MEAK7: variants seen among roughly 807,000 people sequenced by gnomAD.
MEAK7 encodes the protein MTOR associated protein MEAK7.
In MEAK7, 68 loss-of-function variants were observed where a neutral mutation model predicts 40.5. That is an observed-to-expected ratio of 1.68 (90% CI 1.38 to 2.06). MEAK7 has a LOEUF of 2.06. MEAK7 is among the 30% of genes most tolerant of loss of function. The pLI, the probability that MEAK7 is intolerant of heterozygous loss-of-function variation, is 0.00. For missense variants in MEAK7, 918 were observed against 580.5 expected (o/e 1.58, Z -5.98); for synonymous variants, 338 against 231.9 (o/e 1.46, Z -4.16).
In MEAK7 at chr16:84,486,723, C is replaced by T. The variant is rs776585665; in HGVS notation, c.866G>A (p.Arg289Gln). The change falls in exon 5 of 8, where the codon CGG becomes CAG. Residue 289 changes from arginine (R) to glutamine (Q), a missense_variant. Arg to Gln is a conservative substitution (Grantham distance 43). Coordinates refer to ENST00000343629, the MANE Select transcript of MEAK7 (RefSeq NM_020947.4). ...FSQLCGHITH[R>Q]GPCVAVLEDH... Reference sequence around the variant, plus strand: ...CTCGAGGACAGCCACACAGGGTCCCCGGTGAGTGATGTGGCCACAGAGCTG... The same window carrying T: ...CTCGAGGACAGCCACACAGGGTCCCTGGTGAGTGATGTGGCCACAGAGCTG... 5.6e-6 allele frequency: 9 copies of T among 1,613,980 alleles called. No homozygotes were observed. The highest frequency in any genetic ancestry group is 1.1e-5 in the South Asian group (1 of 91,076).
chr16:84,495,177 G>A (rs540304961), intron 3 of MEAK7, among the ~76,000 whole-genome samples: 5 of 152,140 alleles, frequency 3.3e-5, no homozygotes, highest in South Asian at 2.1e-4. Flanking sequence ...GCTGAGGCAG[G>A]AGAACCACTT....
chr16:84,504,609 G>T lies in MEAK7; in HGVS notation c.-34C>A, dbSNP rs995205921. ...TCAGCCCAGGTACCTACCCTGCCGG[G>T]CTTCCTGGTGCTGTCCGGTCCGGTC... is the stretch of plus-strand genomic sequence containing the variant. On this transcript the variant is annotated 5_prime_UTR_variant, in exon 1 of 8. Coordinates refer to ENST00000343629, the MANE Select transcript of MEAK7 (RefSeq NM_020947.4). 3.0e-6 allele frequency: 3 copies of T among 985,522 alleles called. No individual in the cohort carries two copies. The African/African-American group carries it at 5.2e-5, about 17-fold the overall frequency. The allele number at this position is 985,522 out of a possible 1,614,324, so 61.0% of individuals were successfully genotyped here.
Position 84,479,920 on chromosome 16 carries a change from T to C in MEAK7, c.1364A>G (p.Asp455Gly), listed in dbSNP as rs779246047. 2.5e-6 allele frequency: 4 copies of C among 1,596,824 alleles called. 1 individual carries two copies. The South Asian group carries it at 4.4e-5, about 18-fold the overall frequency. ...HSEGLREVPD[D>G]E Reference sequence around the variant, plus strand: ...GAAGGCTCAGGCGGCTCCTCATTCATCGTCCGGGACTTCCCGGAGCCCTTC... The same window carrying C: ...GAAGGCTCAGGCGGCTCCTCATTCACCGTCCGGGACTTCCCGGAGCCCTTC... Residue 455 changes from aspartate (D) to glycine (G), a missense_variant, in exon 8 of 8, where the codon GAT becomes GGT. Asp to Gly is a moderately conservative substitution (Grantham distance 94). Transcript: ENST00000343629.
chr16:84,504,321 C>T (rs1485747148), intron 1 of MEAK7, among the ~76,000 whole-genome samples: 3 of 152,210 alleles, frequency 2.0e-5, no homozygotes, highest in African/African-American at 7.2e-5. Flanking sequence ...GGGGAAGCAC[C>T]TCGCCACCCT....
intron 1 of MEAK7, among the ~76,000 whole-genome samples, chr16:84,501,950 G>A (rs866976418): frequency 6.6e-6 from 1 of 152,148 alleles, no homozygotes; most frequent in Non-Finnish European, 1.5e-5. Context: ...TTCGAGACTA[G>A]CTGGACCAAC....
intron 1 of MEAK7, among the ~76,000 whole-genome samples, chr16:84,501,367 C>T (rs1213412162): frequency 6.6e-6 from 1 of 152,016 alleles, no homozygotes; most frequent in Non-Finnish European, 1.5e-5. Flanking sequence ...CAGAAGGGGG[C>T]CCAGGCCTGA....
chr16:84,498,509 A>C (rs114971428), intron 1 of MEAK7, among the ~76,000 whole-genome samples: 3,718 of 151,782 alleles, frequency 0.024, 164 homozygotes, highest in African/African-American at 0.086. Flanking sequence ...TTCTGGCCTT[A>C]AGTGATTCTC....
rs951615785 is a variant in MEAK7, at chr16:84,478,237, T to C, written c.*1676A>G. The C allele has an allele frequency of 6.6e-6, 1 of 152,198 alleles. No individual in the cohort carries two copies. Among genetic ancestry groups the C allele is most frequent in the Non-Finnish European group, 1.5e-5 (1 of 68,032 alleles). The allele number at this position is 152,198 out of a possible 1,614,324, so 9.4% of individuals were successfully genotyped here. ...GGTAGGAAGCTCACAATGTTCCCCA[T>C]AAGCCATTACAAACTGGCTAAGGAA... On this transcript the variant is annotated 3_prime_UTR_variant, in exon 8 of 8. Transcript: ENST00000343629.
chr16:84,478,705 C>T lies in MEAK7; in HGVS notation c.*1208G>A, dbSNP rs561820162. 7.4e-4 allele frequency: 112 copies of T among 152,272 alleles called. No homozygotes were observed. Among genetic ancestry groups the T allele is most frequent in the East Asian group, 6.8e-3 (35 of 5,174 alleles). The allele number at this position is 152,272 out of a possible 1,614,324, so 9.4% of individuals were successfully genotyped here. On this transcript the variant is annotated 3_prime_UTR_variant, in exon 8 of 8. Coordinates refer to ENST00000343629, the MANE Select transcript of MEAK7 (RefSeq NM_020947.4). ...ACGATCTTCAGCATTTCAGGATCAC[C>T]GGAGCTTGTTTAAAGTCAGTCTACA...
chr16:84,482,818 T>G (rs1912696065), intron 5 of MEAK7, 108 bp from the exon 6 acceptor site: 2 of 1,499,284 alleles, frequency 1.3e-6, no homozygotes, highest in South Asian at 1.3e-5. Context: ...GCCAAGACCC[T>G]TCTCACCCAT....
At chr16:84,482,390 C>T (rs1337977542) in intron 6 of MEAK7, among the ~76,000 whole-genome samples, 4 of 152,242 alleles carry the variant, frequency 2.6e-5, no homozygotes, top group Non-Finnish European at 5.9e-5. Flanking sequence ...CAGCAGAGGC[C>T]ACATCCTTCT....
rs777697870 is a variant in MEAK7 at position 84,489,333 on chromosome 16, G to T, written c.474C>A (p.Pro158=). The change falls in exon 4 of 8, where the codon CCC becomes CCA. Residue 158 remains proline (P), a synonymous_variant. Transcript: ENST00000343629. ...RGWTGKEAPG[P]NPRVQVLAAQ... ...CAGCCAGCACCTGCACCCGGGGGTT[G>T]GGCCCTGGGGCTTCCTTCCCAGTCC... The T allele has an allele frequency of 8.7e-6, 14 of 1,614,076 alleles. No homozygotes were observed. Among genetic ancestry groups the T allele is most frequent in the Non-Finnish European group, 1.2e-5 (14 of 1,180,040 alleles).
intron 3 of MEAK7, among the ~76,000 whole-genome samples, chr16:84,490,422 G>C (rs1308890607): frequency 6.7e-6 from 1 of 148,452 alleles, no homozygotes; most frequent in Non-Finnish European, 1.5e-5. Context: ...CTCTCGCTGG[G>C]CGGCTAAGTT....
rs375531993 is a variant in MEAK7, at chr16:84,489,294, A to G, written c.513T>C (p.Ser171=). 1.1e-5 allele frequency: 18 copies of G among 1,613,946 alleles called. No homozygotes were observed. The highest frequency in any genetic ancestry group is 1.7e-5 in the Admixed American group (1 of 59,990). ...RVQVLAAQLL[S]DMKLQDGKRL... ...CACACTTGCCTTGCAGCTTCATGTC[A>G]GAGAGCAGCTGAGCAGCCAGCACCT... Residue 171 remains serine, a synonymous_variant, in exon 4 of 8, where the codon TCT becomes TCC. Transcript: ENST00000343629.
Position 84,479,926 on chromosome 16 carries a change from G to A in MEAK7, c.1358C>T (p.Pro453Leu), listed in dbSNP as rs777009800. Residue 453 changes from proline to leucine, a missense_variant, in exon 8 of 8, where the codon CCG becomes CTG. Coordinates refer to ENST00000343629, the MANE Select transcript of MEAK7 (RefSeq NM_020947.4). ...TCAGGCGGCTCCTCATTCATCGTCC[G>A]GGACTTCCCGGAGCCCTTCGCTGTG... is the stretch of plus-strand genomic sequence containing the variant. ...SRHSEGLREV[P>L]DDE The A allele has an allele frequency of 1.4e-5, 22 of 1,604,080 alleles. No homozygotes were observed. The highest frequency in any genetic ancestry group is 2.2e-5 in the South Asian group (2 of 90,402).
intron 1 of MEAK7, chr16:84,504,101 T>C (rs1914705760): frequency 2.0e-6 from 2 of 985,516 alleles, no homozygotes. Context: ...TGACCTGTCC[T>C]GTGCTGGCCA....
intron 3 of MEAK7, among the ~76,000 whole-genome samples, chr16:84,490,280 GA>G (rs57264146): frequency 0.027 from 3,790 of 141,038 alleles, 166 homozygotes; most frequent in African/African-American, 0.088. Flanking sequence ...ATAGCTGGGG[GA>G]AAAAAAAAAA....
At chr16:84,501,034 G>A (rs778601946) in intron 1 of MEAK7, among the ~76,000 whole-genome samples, 2 of 146,404 alleles carry the variant, frequency 1.4e-5, no homozygotes, top group Non-Finnish European at 1.5e-5. Context: ...AGCGGAAGTC[G>A]CAGTGAGCCG....
At chr16:84,482,212 C>T (rs919566311) in intron 6 of MEAK7, among the ~76,000 whole-genome samples, 5 of 152,178 alleles carry the variant, frequency 3.3e-5, no homozygotes, top group African/African-American at 4.8e-5. Flanking sequence ...AGCTGCCGGC[C>T]GTCCATTCCC....
Sources: gnomAD v4.1 joint callset for allele counts (sites outside exome capture counted in the v4.1 genomes callset) on GRCh38, gnomAD v4.1.1 for gene constraint, MANE v1.5 for transcripts, NCBI Gene and HGNC (gene_info 2026-07-23, HGNC 2026-07-21) for gene names.